Variants in PDZD2 observed in about 807,000 individuals in gnomAD.
PDZD2 encodes PDZ domain containing 2.
PDZD2 carries 90 observed loss-of-function variants against 220.7 expected under a neutral mutation model. That is an observed-to-expected ratio of 0.41 (90% CI 0.34 to 0.49). The LOEUF is 0.49. Among genes scored for constraint, PDZD2 ranks in the 20% least tolerant of loss-of-function variants. The pLI is 0.28. For missense variants in PDZD2, 3,174 were observed against 3,608.5 expected, an observed-to-expected ratio of 0.88 and a Z score of 3.08; for synonymous variants, 1,375 against 1,450.5, an observed-to-expected ratio of 0.95 and a Z score of 1.18.
At chr5:31,643,146 A>G (rs935778994) in intron 1 of PDZD2, among the ~76,000 whole-genome samples, 12 of 152,340 alleles carry the variant, frequency 7.9e-5, no homozygotes, top group Admixed American at 7.8e-4. Context: ...CATCTGCTGT[A>G]TAGGGGGTCC....
chr5:31,996,497 A>G (rs1203323988), intron 4 of PDZD2, among the ~76,000 whole-genome samples: 1 of 152,204 alleles, frequency 6.6e-6, no homozygotes, highest in East Asian at 1.9e-4. Flanking sequence ...ACCTGAGATC[A>G]GGAGTTCCAG....
intron 2 of PDZD2, among the ~76,000 whole-genome samples, chr5:31,818,187 G>A (rs1436167734): frequency 6.6e-6 from 1 of 151,986 alleles, no homozygotes; most frequent in Non-Finnish European, 1.5e-5. Context: ...ACCAAGGCTG[G>A]TGTTGAACTC....
chr5:32,094,306 A>G (rs1412802324), intron 21 of PDZD2, among the ~76,000 whole-genome samples: 1 of 152,248 alleles, frequency 6.6e-6, no homozygotes, highest in African/African-American at 2.4e-5. Flanking sequence ...CTAGGATACT[A>G]ATCTGAAGAT....
chr5:31,876,297 C>CTTTTTTTTTTTTTTATTTTTTTT (rs1739297593), intron 2 of PDZD2, among the ~76,000 whole-genome samples: 1 of 141,472 alleles, frequency 7.1e-6, no homozygotes, highest in African/African-American at 2.6e-5. Context: ...AATTTTTTTT[C>CTTTTTTTTTTTTTTATTTTTTTT]TTTTTTTTTT....
chr5:31,720,637 A>T (rs971971172), intron 1 of PDZD2, among the ~76,000 whole-genome samples: 9 of 152,218 alleles, frequency 5.9e-5, no homozygotes, highest in African/African-American at 2.2e-4. Context: ...GACCGCCATG[A>T]AGAAATATGA....
intron 19 of PDZD2, among the ~76,000 whole-genome samples, chr5:32,079,339 T>A (rs1437717684): frequency 6.6e-6 from 1 of 151,630 alleles, no homozygotes; most frequent in Non-Finnish European, 1.5e-5. Context: ...GGGACACTCT[T>A]CTCAGTGGCT....
At chr5:31,895,075 A>G (rs1239394629) in intron 2 of PDZD2, among the ~76,000 whole-genome samples, 2 of 152,126 alleles carry the variant, frequency 1.3e-5, no homozygotes, top group Non-Finnish European at 2.9e-5. Context: ...TTTTTAGTAG[A>G]GACGGGATTT....
In PDZD2 at chr5:31,878,712, C is replaced by T. The variant is rs1444260714; in HGVS notation, c.476+78988C>T. On this transcript the variant is annotated intron_variant, in intron 2 of 24. Transcript: ENST00000438447. ...AGTAGCTGGGACTACAGGCGCCCGCCACCTCGCCCAGCTAATTTTTTTGTA... is the reference window on the plus strand; with the variant it reads ...AGTAGCTGGGACTACAGGCGCCCGCTACCTCGCCCAGCTAATTTTTTTGTA... Among the ~76,000 whole-genome samples, 3 of 151,692 alleles carry T rather than the reference C, an allele frequency of 2.0e-5. No homozygotes were observed. The East Asian group carries it at 5.9e-4, about 30-fold the overall frequency.
rs571592132 is a variant in PDZD2 at position 31,737,332 on chromosome 5, C to T, written c.-360-61557C>T. On this transcript the variant is annotated intron_variant, in intron 1 of 24. Coordinates refer to ENST00000438447, the MANE Select transcript of PDZD2 (RefSeq NM_178140.4). ...GGACTACAGGCGCCCACCACCACGC[C>T]CAGCTAATTTGTTGTATTTTTAGTA... Among the ~76,000 whole-genome samples the T allele has an allele frequency of 5.3e-5, 8 of 151,700 alleles. No homozygotes were observed. In the East Asian group the frequency reaches 1.4e-3, roughly 26 times the overall value.
intron 1 of PDZD2, among the ~76,000 whole-genome samples, chr5:31,716,729 GGAGGTA>G (rs1230864574): frequency 1.3e-5 from 2 of 152,328 alleles, no homozygotes; most frequent in Non-Finnish European, 2.9e-5. Flanking sequence ...CTTGAATCCA[GGAGGTA>G]GAGGTTGCAG....
intron 1 of PDZD2, among the ~76,000 whole-genome samples, chr5:31,641,671 G>C (rs1208433673): frequency 6.6e-6 from 1 of 151,696 alleles, no homozygotes; most frequent in Non-Finnish European, 1.5e-5. Context: ...TGTGTTTTTT[G>C]TGGAGATGGG....
chr5:31,887,111 G>A (rs375991483), intron 2 of PDZD2, among the ~76,000 whole-genome samples: 8 of 152,280 alleles, frequency 5.3e-5, no homozygotes, highest in South Asian at 4.1e-4. Context: ...GTTTGCTATG[G>A]GCTGGGCTCA....
chr5:31,707,544 C>T (rs548819741), intron 1 of PDZD2, among the ~76,000 whole-genome samples: 1 of 152,224 alleles, frequency 6.6e-6, no homozygotes, highest in East Asian at 1.9e-4. Flanking sequence ...ACAAGTCACC[C>T]AGTCTGCAGT....
intron 7 of PDZD2, among the ~76,000 whole-genome samples, chr5:32,041,921 A>AAC (rs1756192361): frequency 1.3e-5 from 2 of 151,322 alleles, no homozygotes; most frequent in Admixed American, 1.3e-4. Context: ...AAAAAAAAAA[A>AAC]AAAAACATCA....
intron 1 of PDZD2, among the ~76,000 whole-genome samples, chr5:31,780,253 G>A (rs966370191): frequency 6.6e-6 from 1 of 151,996 alleles, no homozygotes; most frequent in Non-Finnish European, 1.5e-5. Flanking sequence ...TGGGGTGGGG[G>A]GTGGAGTCGG....
intron 2 of PDZD2, among the ~76,000 whole-genome samples, chr5:31,868,551 C>T (rs1204611878): frequency 6.6e-6 from 1 of 152,158 alleles, no homozygotes; most frequent in Non-Finnish European, 1.5e-5. Flanking sequence ...GTTTGTCACT[C>T]CCTCATAGGT....
intron 1 of PDZD2, among the ~76,000 whole-genome samples, chr5:31,665,573 C>G (rs1453838689): frequency 6.6e-6 from 1 of 151,932 alleles, no homozygotes. Context: ...CGGTTTCCCC[C>G]ATGCTGTTCT....
At chr5:31,934,628 A>T (rs1219932904) in intron 2 of PDZD2, among the ~76,000 whole-genome samples, 2 of 136,518 alleles carry the variant, frequency 1.5e-5, no homozygotes, top group East Asian at 4.5e-4. Context: ...AAAAAAAAAG[A>T]CTTAAGTCCG....
At chr5:31,975,032 ATTAT>A (rs1213894207) in intron 2 of PDZD2, among the ~76,000 whole-genome samples, 5 of 152,212 alleles carry the variant, frequency 3.3e-5, no homozygotes, top group African/African-American at 1.2e-4. Context: ...ATTTACCCTA[ATTAT>A]TTCTTCACTC....
Sources: gnomAD v4.1 joint callset for allele counts (sites outside exome capture counted in the v4.1 genomes callset) on GRCh38, gnomAD v4.1.1 for gene constraint, MANE v1.5 for transcripts, NCBI Gene and HGNC (gene_info 2026-07-23, HGNC 2026-07-21) for gene names.